CARD14: variants seen among roughly 807,000 people sequenced by gnomAD.
The protein encoded by CARD14 is caspase recruitment domain family member 14.
Under a neutral mutation model 111.5 loss-of-function variants are expected in CARD14, and 107 were observed. The ratio of observed to expected loss-of-function variants is 0.96; its 90% CI spans 0.82 to 1.13. CARD14 has a LOEUF of 1.13. Among genes scored for constraint, CARD14 ranks in the 50% most tolerant of loss-of-function variants. The pLI, the probability that CARD14 is intolerant of heterozygous loss-of-function variation, is 0.00. For missense variants in CARD14, 1,322 were observed against 1,362.3 expected, an observed-to-expected ratio of 0.97 and a Z score of 0.47; for synonymous variants, 617 against 579.6, an observed-to-expected ratio of 1.06 and a Z score of -0.93.
chr17:80,201,986 A>T lies in CARD14; in HGVS notation c.1978+116A>T, dbSNP rs2041002425. ...CAGGGACCCCCAGAGCCAAGAGAGGATCAGCCAGGCTGTGCCCCAGGTCCC... is the reference window on the plus strand; with the variant it reads ...CAGGGACCCCCAGAGCCAAGAGAGGTTCAGCCAGGCTGTGCCCCAGGTCCC... On this transcript the variant is annotated intron_variant, in intron 17 of 23. Coordinates refer to ENST00000648509, the MANE Select transcript of CARD14 (RefSeq NM_001366385.1). This position sits in a 1 kb window ranked among gnomAD's most constrained non-coding sequence, Gnocchi z 5.0. 8 of 1,402,610 alleles carry T rather than the reference A, an allele frequency of 5.7e-6. No individual in the cohort carries two copies. Among genetic ancestry groups the T allele is most frequent in the Non-Finnish European group, 7.7e-6 (8 of 1,036,024 alleles). 86.9% of individuals were successfully genotyped at this position (1,402,610 alleles called of 1,614,324 possible).
In CARD14 at chr17:80,209,221, G is replaced by T; in HGVS notation, c.*876G>T. ...TTGCAGACTGAATGTCATTTTGACA[G>T]CAGTGTCCAAGAATCAGGAAGCTGT... On this transcript the variant is annotated 3_prime_UTR_variant, in exon 24 of 24. Transcript: ENST00000648509. The T allele has an allele frequency of 1.3e-6, 1 of 757,466 alleles. No homozygotes were observed. The highest frequency in any genetic ancestry group is 1.6e-6 in the Non-Finnish European group (1 of 621,698). The allele number at this position is 757,466 out of a possible 1,614,324, so 46.9% of individuals were successfully genotyped here.
chr17:80,204,378 C>T lies in CARD14; in HGVS notation c.2398+37C>T. On this transcript the variant is annotated intron_variant, in intron 20 of 23. Coordinates refer to ENST00000648509, the MANE Select transcript of CARD14 (RefSeq NM_001366385.1). ...TGAGCTGGCACAGGGGCCACTGGCT[C>T]CAAGTGGGTGAGGGGCTTTGGGAGC... The T allele has an allele frequency of 2.0e-6, 3 of 1,509,540 alleles. No homozygotes were observed. The South Asian group carries it at 3.7e-5, about 19-fold the overall frequency. 93.5% of individuals were successfully genotyped at this position (1,509,540 alleles called of 1,614,324 possible).
chr17:80,186,155 A>C (rs982885804), intron 7 of CARD14, among the ~76,000 whole-genome samples: 4 of 152,010 alleles, frequency 2.6e-5, no homozygotes, highest in African/African-American at 9.7e-5. Flanking sequence ...GTGAATGACG[A>C]CCGTGCCAGT....
chr17:80,170,778 C>T (rs1334560747), intron 1 of CARD14, among the ~76,000 whole-genome samples: 1 of 115,130 alleles, frequency 8.7e-6, no homozygotes, highest in Non-Finnish European at 1.9e-5. Context: ...CCCTCCCCTC[C>T]CGTCCCCTCC....
At position 80,206,900 on chromosome 17, in the gene CARD14, G is replaced by A. The variant is rs558425838; in HGVS notation, c.2692-70G>A. 77 of 1,130,942 alleles carry A rather than the reference G, an allele frequency of 6.8e-5. 2 individuals carry two copies. In the South Asian group the frequency reaches 1.1e-3, roughly 16 times the overall value. 70.1% of individuals were successfully genotyped at this position (1,130,942 alleles called of 1,614,324 possible). A position where few individuals can be genotyped will look rare whatever the true frequency, so the allele number is the denominator to read the frequency against. On this transcript the variant is annotated intron_variant, in intron 22 of 23. Transcript: ENST00000648509. ...CCTGTCCGGAGGGCCCTTCTGACCT[G>A]GGCGTTGGCTCCCTTTGCTTCCTCT...
chr17:80,192,075 C>A (rs904672682), intron 11 of CARD14: 12 of 157,498 alleles, frequency 7.6e-5, no homozygotes, highest in Non-Finnish European at 1.5e-4. Context: ...TGGAAACACA[C>A]GTGTGCACGC....
intron 1 of CARD14, among the ~76,000 whole-genome samples, chr17:80,171,625 G>A (rs1372517319): frequency 6.6e-6 from 1 of 152,208 alleles, no homozygotes; most frequent in Non-Finnish European, 1.5e-5. Context: ...CTGCAGAAGG[G>A]ACTAGTGACT....
intron 21 of CARD14, 77 bp downstream of exon 21, chr17:80,205,282 CCCTT>C: frequency 2.3e-6 from 3 of 1,311,054 alleles, no homozygotes; most frequent in Non-Finnish European, 3.2e-6. Flanking sequence ...CTCCTTCCTC[CCCTT>C]CCTCCCTCCT....
At chr17:80,191,526 G>C (rs2040529205) in intron 11 of CARD14, 54 bp downstream of exon 11, 2 of 1,590,042 alleles carry the variant, frequency 1.3e-6, no homozygotes, top group Admixed American at 3.4e-5. Flanking sequence ...TGCGGTGACA[G>C]TGGGACAGAG....
intron 10 of CARD14, 124 bp from the exon 11 acceptor site, chr17:80,191,199 C>T (rs2040515284): frequency 2.5e-6 from 3 of 1,202,560 alleles, no homozygotes; most frequent in African/African-American, 1.5e-5. Context: ...TAAGTTTGCA[C>T]AGCTCAGCGT....
intron 22 of CARD14, 96 bp from the exon 23 acceptor site, chr17:80,206,874 G>T (rs2041347707): frequency 8.2e-6 from 6 of 732,324 alleles, no homozygotes; most frequent in Non-Finnish European, 1.1e-5. Flanking sequence ...CCTGCCCTCA[G>T]CCTGTCCGGA....
chr17:80,195,413 C>A lies in CARD14; in HGVS notation c.1499+80C>A. 1 of 1,538,252 alleles carries A rather than the reference C, an allele frequency of 6.5e-7. No individual in the cohort carries two copies. The highest frequency in any genetic ancestry group is 1.2e-5 in the South Asian group (1 of 82,076). On this transcript the variant is annotated intron_variant, in intron 13 of 23. Coordinates refer to ENST00000648509, the MANE Select transcript of CARD14 (RefSeq NM_001366385.1). The surrounding 1 kb of genome is among the most constrained non-coding windows in gnomAD (Gnocchi z 4.7). ...AACTCACCAGAGACACCAACCTAGA[C>A]CTCAGGGCATCTGGGTATTGCAGGC...
intron 4 of CARD14, among the ~76,000 whole-genome samples, chr17:80,181,203 C>T (rs2040162294): frequency 1.3e-5 from 2 of 152,096 alleles, no homozygotes; most frequent in Admixed American, 6.6e-5. Context: ...GCAGGTGGGG[C>T]CGTGGCACTC....
At chr17:80,190,222 C>T (rs11655682) in intron 9 of CARD14, among the ~76,000 whole-genome samples, 3 of 151,942 alleles carry the variant, frequency 2.0e-5, no homozygotes, top group Non-Finnish European at 4.4e-5. Context: ...ACATTAAAAA[C>T]GCAAAACACA....
rs746067298 is a variant in CARD14, at chr17:80,188,366, C to T, written c.676-11C>T. Reference sequence around the variant, plus strand: ...TTCCATCGCCCTTCCTGTCGCCTCCCCACCGCACAGCTGTATCTACTGAAG... The same window carrying T: ...TTCCATCGCCCTTCCTGTCGCCTCCTCACCGCACAGCTGTATCTACTGAAG... On this transcript the variant is annotated splice_polypyrimidine_tract_variant and intron_variant, in intron 7 of 23. Transcript: ENST00000648509. The surrounding 1 kb of genome is among the most constrained non-coding windows in gnomAD (Gnocchi z 4.5). 23 of 1,605,646 alleles carry T rather than the reference C, an allele frequency of 1.4e-5. No individual in the cohort carries two copies. Among genetic ancestry groups the T allele is most frequent in the Non-Finnish European group, 2.0e-5 (23 of 1,176,330 alleles).
At position 80,203,884 on chromosome 17, in the gene CARD14, AG is replaced by A; in HGVS notation, c.2283+1del. 1 of 1,594,758 alleles carries A rather than the reference AG, an allele frequency of 6.3e-7. No individual in the cohort carries two copies. ...DMTQQCTVTR[K>X]PSSGGPQKLV... ...ACTCAGCAGTGCACCGTGACCCGCAAGGTGAGGCTCCAGGGAGGGGCCTGGA... is the reference window on the plus strand; with the variant it reads ...ACTCAGCAGTGCACCGTGACCCGCAAGTGAGGCTCCAGGGAGGGGCCTGGA... On this transcript the variant is annotated frameshift_variant and splice_region_variant, in exon 19 of 24. Coordinates refer to ENST00000648509, the MANE Select transcript of CARD14 (RefSeq NM_001366385.1). LOFTEE classifies it high-confidence loss of function. This position sits in a 1 kb window ranked among gnomAD's most constrained non-coding sequence, Gnocchi z 4.6.
Position 80,189,843 on chromosome 17 carries a change from G to T in CARD14, c.934G>T (p.Ala312Ser). ...GCGCATCCACTCGCTGCGGGAGCGG[G>T]CCGTGGCTGCCGAGAGGCAGCGAGA... ...VERIHSLRER[A>S]VAAERQREQY... The change falls in exon 9 of 24, where the codon GCC becomes TCC. Residue 312 changes from alanine to serine, a missense_variant. Transcript: ENST00000648509. This position sits in a 1 kb window ranked among gnomAD's most constrained non-coding sequence, Gnocchi z 4.7. The T allele has an allele frequency of 6.3e-7, 1 of 1,592,204 alleles. No individual in the cohort carries two copies. The highest frequency in any genetic ancestry group is 8.5e-7 in the Non-Finnish European group (1 of 1,172,288).
At position 80,198,829 on chromosome 17, in the gene CARD14, G is replaced by A. The variant is rs1016476413; in HGVS notation, c.1851+238G>A. On this transcript the variant is annotated intron_variant, in intron 16 of 23. Coordinates refer to ENST00000648509, the MANE Select transcript of CARD14 (RefSeq NM_001366385.1). The surrounding 1 kb of genome is among the most constrained non-coding windows in gnomAD (Gnocchi z 7.5). ...TGCCATGCGGCGCTTCTGACCAGGG[G>A]TCTTTGCATGAGGCCCCTTGACAGG... 3 of 1,470,064 alleles carry A rather than the reference G, an allele frequency of 2.0e-6. No homozygotes were observed. The East Asian group carries it at 7.1e-5, about 35-fold the overall frequency. The allele number at this position is 1,470,064 out of a possible 1,614,324, so 91.1% of individuals were successfully genotyped here. A position where few individuals can be genotyped will look rare whatever the true frequency, so the allele number is the denominator to read the frequency against.
rs2040393304 is a variant in CARD14 at position 80,187,761 on chromosome 17, G to A, written c.676-616G>A. ...GCCACACCCAGGACGGGAAGAGGGC[G>A]GGCCCGTGGCTCGAGCTCCAAGTTT... On this transcript the variant is annotated intron_variant, in intron 7 of 23. Transcript: ENST00000648509. The A allele has an allele frequency of 1.7e-5, 17 of 985,454 alleles. No homozygotes were observed. The South Asian group carries it at 2.4e-4, about 14-fold the overall frequency. The allele number at this position is 985,454 out of a possible 1,614,324, so 61.0% of individuals were successfully genotyped here.
Sources: allele counts gnomAD v4.1 joint callset (sites outside exome capture counted in the v4.1 genomes callset), GRCh38; gene constraint gnomAD v4.1.1; non-coding constraint Gnocchi (gnomAD v3.1); transcripts MANE v1.5; gene names NCBI Gene and HGNC (gene_info 2026-07-23, HGNC 2026-07-21).